Variants in RSRC1 observed in about 807,000 individuals in gnomAD.
RSRC1 encodes the protein arginine and serine rich coiled-coil 1, also known as serine/Arginine-related protein 53.
A neutral mutation model predicts 49.1 loss-of-function variants in RSRC1; 39 were observed. The ratio of observed to expected loss-of-function variants is 0.79; its 90% confidence interval spans 0.61 to 1.04. The LOEUF is 1.04. Ranked by LOEUF, RSRC1 falls within the 50% of genes least tolerant of loss-of-function variation. The pLI is 0.00. For synonymous variants in RSRC1, 143 were observed against 130.8 expected (o/e 1.09, Z -0.63); for missense variants, 388 against 402.4 (o/e 0.96, Z 0.31).
chr3:158,132,895 G>T (rs1716133528), intron 3 of RSRC1, among the ~76,000 whole-genome samples: 1 of 152,148 alleles, frequency 6.6e-6, no homozygotes, highest in Non-Finnish European at 1.5e-5. Context: ...AGTATGCCCA[G>T]TACGTTGGGA....
intron 5 of RSRC1, among the ~76,000 whole-genome samples, chr3:158,315,926 C>A (rs1186009064): frequency 6.6e-6 from 1 of 152,084 alleles, no homozygotes; most frequent in Non-Finnish European, 1.5e-5. Flanking sequence ...AATCCCAGTG[C>A]TTTGGGAGGC....
intron 3 of RSRC1, among the ~76,000 whole-genome samples, chr3:158,162,900 A>G (rs1263215005): frequency 6.6e-6 from 1 of 152,206 alleles, no homozygotes; most frequent in East Asian, 1.9e-4. Flanking sequence ...CAGAAATGAT[A>G]TTCGTTAACT....
In RSRC1 at chr3:158,460,997, G is replaced by C. The variant is rs148607251; in HGVS notation, c.646G>C (p.Glu216Gln). ...RNEEEAKRRK[E>Q]EDQATLVEQV... ...TGAGGAAGAAGCAAAGAGAAGAAAG[G>C]AGGAAGGTAAAGGCATGTGTTCATT... The change falls in exon 7 of 10, where the codon GAG (glutamate) becomes CAG (glutamine). Residue 216 changes from glutamate to glutamine, a missense_variant. Transcript: ENST00000611884. The C allele has an allele frequency of 7.3e-5, 117 of 1,599,540 alleles. No individual in the cohort carries two copies. Among genetic ancestry groups the C allele is most frequent in the Non-Finnish European group, 9.6e-5 (112 of 1,170,882 alleles).
chr3:158,216,266 G>A (rs1230143295), intron 4 of RSRC1, among the ~76,000 whole-genome samples: 1 of 150,982 alleles, frequency 6.6e-6, no homozygotes, highest in African/African-American at 2.4e-5. Context: ...TGATGTGGCA[G>A]TTTTTGTTTT....
At chr3:158,123,647 A>G (rs1715432634) in intron 2 of RSRC1, among the ~76,000 whole-genome samples, 3 of 152,310 alleles carry the variant, frequency 2.0e-5, no homozygotes, top group African/African-American at 7.2e-5. Context: ...GAAAGATTCT[A>G]AGACCCTTAA....
At chr3:158,507,892 G>A (rs1739938521) in intron 7 of RSRC1, among the ~76,000 whole-genome samples, 1 of 152,038 alleles carries the variant, frequency 6.6e-6, no homozygotes, top group African/African-American at 2.4e-5. Context: ...AGGTAACATA[G>A]TGAGACCCCA....
intron 4 of RSRC1, among the ~76,000 whole-genome samples, chr3:158,252,790 A>AT (rs1724296585): frequency 6.6e-6 from 1 of 151,876 alleles, no homozygotes; most frequent in Non-Finnish European, 1.5e-5. Context: ...CACGTTTTGT[A>AT]TTTTTTCATG....
intron 3 of RSRC1, among the ~76,000 whole-genome samples, chr3:158,150,995 A>G (rs548058054): frequency 1.2e-4 from 18 of 152,324 alleles, no homozygotes; most frequent in Middle Eastern, 3.4e-3. Flanking sequence ...ACTAAATTAT[A>G]TATTCCCTAT....
intron 4 of RSRC1, among the ~76,000 whole-genome samples, chr3:158,205,492 A>G (rs1578196653): frequency 6.6e-6 from 1 of 152,248 alleles, no homozygotes; most frequent in Admixed American, 6.5e-5. Context: ...TAATAAGGAT[A>G]TAAATGTTAG....
chr3:158,239,563 G>A (rs1007657104), intron 4 of RSRC1, among the ~76,000 whole-genome samples: 11 of 151,344 alleles, frequency 7.3e-5, no homozygotes, highest in Non-Finnish European at 1.0e-4. Context: ...ATCACACACC[G>A]GGGCCTGTCA....
At chr3:158,284,484 G>A (rs1159410576) in intron 4 of RSRC1, among the ~76,000 whole-genome samples, 1 of 149,298 alleles carries the variant, frequency 6.7e-6, no homozygotes, top group African/African-American at 2.5e-5. Flanking sequence ...TTCCACCATG[G>A]TTGAACTAGT....
At chr3:158,466,851 C>T (rs1233339178) in intron 7 of RSRC1, among the ~76,000 whole-genome samples, 2 of 152,014 alleles carry the variant, frequency 1.3e-5, no homozygotes, top group Admixed American at 6.6e-5. Flanking sequence ...TGCTTGAGCC[C>T]GGGAGTTCGA....
At chr3:158,300,881 G>T (rs2108123014) in intron 5 of RSRC1, among the ~76,000 whole-genome samples, 1 of 152,146 alleles carries the variant, frequency 6.6e-6, no homozygotes, top group South Asian at 2.1e-4. Context: ...TAACATAGTT[G>T]CCCTGTTTTT....
intron 7 of RSRC1, among the ~76,000 whole-genome samples, chr3:158,463,673 C>T (rs1399339551): frequency 6.6e-6 from 1 of 152,050 alleles, no homozygotes; most frequent in Non-Finnish European, 1.5e-5. Context: ...AAGATCTGTG[C>T]CATGCAAATT....
chr3:158,320,422 C>T (rs1021194616), intron 5 of RSRC1, among the ~76,000 whole-genome samples: 2 of 151,982 alleles, frequency 1.3e-5, no homozygotes, highest in South Asian at 4.2e-4. Context: ...TTTGACATTG[C>T]CTATTTTATT....
At position 158,136,859 on chromosome 3, in the gene RSRC1, C is replaced by G. The variant is rs576294134; in HGVS notation, c.320+12868C>G. The G allele has an allele frequency of 7.2e-5, 11 of 152,220 alleles. No homozygotes were observed. In the South Asian group the frequency reaches 2.3e-3, roughly 32 times the overall value. The allele number at this position is 152,220 out of a possible 1,614,324, so 9.4% of individuals were successfully genotyped here. On this transcript the variant is annotated intron_variant, in intron 3 of 9. Coordinates refer to ENST00000611884, the MANE Select transcript of RSRC1 (RefSeq NM_001271838.2). The stretch of plus-strand genomic sequence containing the variant: ...AGATAGTCTGAAAGTGAGCCGTTTG[C>G]TTGAGGATAATAAGTTGAGTGTAAG...
intron 7 of RSRC1, among the ~76,000 whole-genome samples, chr3:158,530,541 C>T (rs1712323278): frequency 6.6e-6 from 1 of 151,798 alleles, no homozygotes. Context: ...CATTCATTTC[C>T]AAGTCCTACT....
chr3:158,518,440 T>G lies in RSRC1; in HGVS notation c.653-18652T>G, dbSNP rs534779516. Among the ~76,000 whole-genome samples the G allele has an allele frequency of 5.0e-5, 7 of 139,984 alleles. No individual in the cohort carries two copies. In the East Asian group the frequency reaches 1.0e-3, roughly 21 times the overall value. 91.8% of individuals were successfully genotyped at this position (139,984 alleles called of 152,430 possible). ...AAAGGACTACTATAACTCTTCATTT[T>G]GGGTCATAGATTTTCTTTTAACTTC... On this transcript the variant is annotated intron_variant, in intron 7 of 9. Coordinates refer to ENST00000611884, the MANE Select transcript of RSRC1 (RefSeq NM_001271838.2).
chr3:158,453,073 C>G (rs1737131778), intron 6 of RSRC1, among the ~76,000 whole-genome samples: 1 of 152,048 alleles, frequency 6.6e-6, no homozygotes, highest in African/African-American at 2.4e-5. Flanking sequence ...TAATATATAT[C>G]AGGCCATCTT....
Sources: allele counts gnomAD v4.1 joint callset (sites outside exome capture counted in the v4.1 genomes callset), GRCh38; gene constraint gnomAD v4.1.1; transcripts MANE v1.5; gene names NCBI Gene and HGNC (gene_info 2026-07-23, HGNC 2026-07-21).